The following PLCL2 variants were observed in gnomAD, a reference collection of about 807,000 sequenced individuals.
PLCL2 encodes inactive phospholipase C-like protein 2.
In PLCL2, 4 loss-of-function variants were observed where a neutral mutation model predicts 79.6. The observed-to-expected ratio is 0.05, with a 90% CI of 0.02 to 0.11. The LOEUF is 0.11. Among genes scored for constraint, PLCL2 ranks in the 10% least tolerant of loss-of-function variants. The pLI, the probability that PLCL2 is intolerant of heterozygous loss-of-function variation, is 1.00. For missense variants in PLCL2, 895 were observed against 1,291.0 expected, an observed-to-expected ratio of 0.69 and a Z score of 4.70; for synonymous variants, 484 against 457.7, an observed-to-expected ratio of 1.06 and a Z score of -0.73.
intron 1 of PLCL2, among the ~76,000 whole-genome samples, chr3:16,895,150 A>G (rs1380788652): frequency 6.7e-6 from 1 of 149,872 alleles, no homozygotes; most frequent in East Asian, 2.0e-4. Flanking sequence ...CGATATAGAT[A>G]TATGTTGAAA....
At chr3:16,906,273 G>A (rs1324336349) in intron 1 of PLCL2, among the ~76,000 whole-genome samples, 2 of 152,128 alleles carry the variant, frequency 1.3e-5, no homozygotes, top group East Asian at 3.8e-4. Context: ...CCTGAGGTGT[G>A]CAGATCATCT....
At chr3:17,007,592 T>C (rs2064275734) in intron 1 of PLCL2, among the ~76,000 whole-genome samples, 1 of 152,248 alleles carries the variant, frequency 6.6e-6, no homozygotes, top group Non-Finnish European at 1.5e-5. Flanking sequence ...ATGGTTCATT[T>C]TGAAACTTTG....
At chr3:16,932,484 G>T (rs1313986400) in intron 1 of PLCL2, among the ~76,000 whole-genome samples, 1 of 152,084 alleles carries the variant, frequency 6.6e-6, no homozygotes, top group East Asian at 1.9e-4. Context: ...AAAAATCTTG[G>T]TAGTTAAATT....
chr3:17,089,606 A>G (rs2065253442), intron 5 of PLCL2, 127 bp from the exon 6 acceptor site: 3 of 653,748 alleles, frequency 4.6e-6, no homozygotes, highest in Non-Finnish European at 7.9e-6. Flanking sequence ...ATGCAGTGCC[A>G]ATAAGAAATA....
chr3:17,037,702 C>A (rs1226979213), intron 3 of PLCL2, among the ~76,000 whole-genome samples: 5 of 152,036 alleles, frequency 3.3e-5, no homozygotes, highest in African/African-American at 1.2e-4. Flanking sequence ...TTCTTTCACC[C>A]AAGTATATAA....
intron 1 of PLCL2, among the ~76,000 whole-genome samples, chr3:16,944,941 G>A (rs2124953793): frequency 6.6e-6 from 1 of 152,070 alleles, no homozygotes; most frequent in East Asian, 1.9e-4. Context: ...TGTACTTTTA[G>A]TAGAGACGGG....
Position 17,010,964 on chromosome 3 carries a change from G to C in PLCL2, c.1618G>C (p.Gly540Arg), listed in dbSNP as rs543360275. The change falls in exon 2 of 6, where the codon GGA becomes CGA. Residue 540 changes from glycine to arginine, a missense_variant. Physicochemically the swap from Gly to Arg is moderately radical, Grantham distance 125. Around this residue, in one of 6 missense-constraint regions of PLCL2, gnomAD observed 242 missense variants for 399.5 expected, o/e 0.61. Coordinates refer to ENST00000615277, the MANE Select transcript of PLCL2 (RefSeq NM_001144382.2). This position sits in a 1 kb window ranked among gnomAD's most constrained non-coding sequence, Gnocchi z 5.8. ...GGTTCAGCACATGAAGAAACTTTTA[G>C]GAGACAAGCTCTATACAACATCACC... is the stretch of plus-strand genomic sequence containing the variant. ...VMVQHMKKLL[G>R]DKLYTTSPNV... 1 of 1,614,030 alleles carries C rather than the reference G, an allele frequency of 6.2e-7. No homozygotes were observed. The highest frequency in any genetic ancestry group is 1.3e-5 in the African/African-American group (1 of 75,018).
chr3:17,025,434 G>C (rs1447767254), intron 3 of PLCL2, among the ~76,000 whole-genome samples: 2 of 152,148 alleles, frequency 1.3e-5, no homozygotes, highest in Non-Finnish European at 2.9e-5. Flanking sequence ...GGGTTTGTTT[G>C]TAAGTGCCAT....
chr3:17,014,096 G>A (rs1299576679), intron 2 of PLCL2, among the ~76,000 whole-genome samples: 2 of 152,148 alleles, frequency 1.3e-5, no homozygotes, highest in African/African-American at 4.8e-5. Context: ...TATCTCTGGT[G>A]ATTAGAAAAA....
chr3:17,069,970 G>C (rs550381251), intron 5 of PLCL2, among the ~76,000 whole-genome samples: 1 of 152,164 alleles, frequency 6.6e-6, no homozygotes, highest in Admixed American at 6.5e-5. Flanking sequence ...GGTCAGAGGT[G>C]GGGGGTACAC....
intron 1 of PLCL2, among the ~76,000 whole-genome samples, chr3:17,001,100 A>G (rs1479474785): frequency 6.6e-6 from 1 of 152,064 alleles, no homozygotes; most frequent in Non-Finnish European, 1.5e-5. Context: ...ATAATAGCCA[A>G]TTTAACAGGG....
chr3:16,939,341 G>A (rs917515641), intron 1 of PLCL2, among the ~76,000 whole-genome samples: 19 of 152,160 alleles, frequency 1.2e-4, no homozygotes, highest in African/African-American at 4.6e-4. Flanking sequence ...AGAAAAATCT[G>A]TTGGTTGAGT....
rs1196475728 is a variant in PLCL2 at position 17,009,417 on chromosome 3, TG to T, written c.328-255del. Among the ~76,000 whole-genome samples, 1 of 152,204 alleles carries T rather than the reference TG, an allele frequency of 6.6e-6. No individual in the cohort carries two copies. The highest frequency in any genetic ancestry group is 1.5e-5 in the Non-Finnish European group (1 of 68,034). On this transcript the variant is annotated intron_variant, in intron 1 of 5. Coordinates refer to ENST00000615277, the MANE Select transcript of PLCL2 (RefSeq NM_001144382.2). The surrounding 1 kb of genome is among the most constrained non-coding windows in gnomAD (Gnocchi z 4.0). ...GTTTATAGGTGTGAACCTCCGTCCC[TG>T]GCCTGAAATTGTTCTTCTTGATAAA...
chr3:16,891,733 G>C (rs890885179), intron 1 of PLCL2, among the ~76,000 whole-genome samples: 2 of 152,166 alleles, frequency 1.3e-5, no homozygotes, highest in Admixed American at 1.3e-4. Context: ...CAGCTTGGAC[G>C]ATAAATAATA....
chr3:16,904,801 T>G (rs780826060), intron 1 of PLCL2, among the ~76,000 whole-genome samples: 6 of 152,082 alleles, frequency 3.9e-5, no homozygotes, highest in Non-Finnish European at 8.8e-5. Context: ...TCTCATGAGA[T>G]CTGATGGTTT....
At chr3:17,013,782 T>C (rs1467820753) in intron 2 of PLCL2, among the ~76,000 whole-genome samples, 1 of 152,170 alleles carries the variant, frequency 6.6e-6, no homozygotes, top group African/African-American at 2.4e-5. Flanking sequence ...CTGACTCTTA[T>C]TATGATTATA....
chr3:16,951,258 G>A (rs572644975), intron 1 of PLCL2, among the ~76,000 whole-genome samples: 1 of 151,812 alleles, frequency 6.6e-6, no homozygotes, highest in African/African-American at 2.4e-5. Context: ...TTTTTGTTTG[G>A]ATATCCATCT....
intron 1 of PLCL2, among the ~76,000 whole-genome samples, chr3:16,928,246 A>G (rs776446966): frequency 2.6e-5 from 4 of 152,206 alleles, no homozygotes; most frequent in Non-Finnish European, 5.9e-5. Context: ...AGGCTGAGAG[A>G]GCATCTCAGA....
intron 1 of PLCL2, among the ~76,000 whole-genome samples, chr3:16,955,129 A>G (rs2063691991): frequency 1.3e-5 from 2 of 152,220 alleles, no homozygotes; most frequent in Non-Finnish European, 2.9e-5. Flanking sequence ...GGTAATGCCT[A>G]GGTTTTCTTC....
Sources: gnomAD v4.1 joint callset for allele counts (sites outside exome capture counted in the v4.1 genomes callset) on GRCh38, gnomAD v4.1.1 for gene constraint, gnomAD v4.1.1 regional missense constraint, Gnocchi (gnomAD v3.1) non-coding constraint, MANE v1.5 for transcripts, NCBI Gene and HGNC (gene_info 2026-07-23, HGNC 2026-07-21) for gene names.